Variants in SPTAN1 observed in about 807,000 individuals in gnomAD.
The protein encoded by SPTAN1 is spectrin alpha chain, non-erythrocytic 1.
In SPTAN1, 61 loss-of-function variants were observed where a neutral mutation model predicts 331.3. The ratio of observed to expected loss-of-function variants is 0.18; its 90% CI spans 0.15 to 0.23. SPTAN1 has a LOEUF of 0.23. Among genes scored for constraint, SPTAN1 ranks in the 10% least tolerant of loss-of-function variants. The probability of loss-of-function intolerance (pLI) is 1.00; values close to 1 mark genes in which losing one functional copy is unlikely to be tolerated. For missense variants in SPTAN1, 2,043 were observed against 3,147.9 expected, an observed-to-expected ratio of 0.65 and a Z score of 8.40; for synonymous variants, 1,153 against 1,173.9, an observed-to-expected ratio of 0.98 and a Z score of 0.36.
intron 3 of SPTAN1, among the ~76,000 whole-genome samples, chr9:128,569,262 A>G (rs922844581): frequency 2.0e-5 from 3 of 152,186 alleles, no homozygotes; most frequent in Non-Finnish European, 4.4e-5. Flanking sequence ...CACAGACACT[A>G]TAAAGAAGGT....
At chr9:128,608,783 C>T in intron 34 of SPTAN1, 91 bp from the exon 35 acceptor site, 1 of 1,269,758 alleles carries the variant, frequency 7.9e-7, no homozygotes, top group Non-Finnish European at 1.1e-6. Flanking sequence ...TTCTCAGTCA[C>T]CCAAAATAAC....
At position 128,621,238 on chromosome 9, in the gene SPTAN1, A is replaced by G. The variant is rs754044992; in HGVS notation, c.5814A>G (p.Gly1938=). ...KDRVNDVCTN[G]QDLIKKNNHH... ...GCGTGAATGATGTCTGCACCAATGG[A>G]CAAGACCTCATTAAGAAGGTGAGTC... The change falls in exon 45 of 57, where the codon GGA becomes GGG. Residue 1938 remains glycine, a synonymous_variant. Coordinates refer to ENST00000372739, the MANE Select transcript of SPTAN1 (RefSeq NM_001130438.3). 14 of 1,613,548 alleles carry G rather than the reference A, an allele frequency of 8.7e-6. No homozygotes were observed. In the South Asian group the frequency reaches 1.5e-4, roughly 18 times the overall value.
chr9:128,605,602 G>C (rs1855726690), intron 31 of SPTAN1, 125 bp downstream of exon 31: 6 of 1,262,374 alleles, frequency 4.8e-6, no homozygotes, highest in Middle Eastern at 5.2e-4. Context: ...CAAGCACTTT[G>C]GGGGGCCAAG....
intron 51 of SPTAN1, 68 bp from the exon 52 acceptor site, chr9:128,630,253 G>A (rs969408092): frequency 7.1e-6 from 11 of 1,557,732 alleles, no homozygotes; most frequent in Admixed American, 1.7e-5. Flanking sequence ...CTCTCTGAGA[G>A]AAGGTTCATT....
chr9:128,628,214 T>C, intron 51 of SPTAN1: 1 of 626,020 alleles, frequency 1.6e-6, no homozygotes, highest in Non-Finnish European at 3.0e-6. Context: ...GGGAAGGTGA[T>C]GAAGCACGAA....
chr9:128,613,315 T>A (rs1856775904), intron 39 of SPTAN1, 66 bp from the exon 40 acceptor site: 1 of 1,416,576 alleles, frequency 7.1e-7, no homozygotes, highest in African/African-American at 1.4e-5. Context: ...CTGGGCAACC[T>A]GAATTTTCCA....
At chr9:128,623,090 T>C (rs892967119) in intron 45 of SPTAN1, among the ~76,000 whole-genome samples, 33 of 146,428 alleles carry the variant, frequency 2.3e-4, no homozygotes, top group African/African-American at 8.1e-4. Context: ...AGTCTTGCTC[T>C]TGTCGCCCAG....
At chr9:128,628,305 T>G in intron 51 of SPTAN1, 1 of 408,444 alleles carries the variant, frequency 2.4e-6, no homozygotes, top group Non-Finnish European at 4.7e-6. Context: ...CACCTCTGCT[T>G]CCCCAGCGAG....
intron 51 of SPTAN1, chr9:128,628,469 C>T: frequency 3.0e-6 from 1 of 329,764 alleles, no homozygotes. Context: ...GGTAACAAGA[C>T]TGTCCGCCCT....
rs7868827 is a variant in SPTAN1 at position 128,599,391 on chromosome 9, T to C, written c.3543+405T>C. ...CTCAGGTGATCTGCCCACCTCAGCT[T>C]CCCAGAGTGCTGGGATTACAGACGT... On this transcript the variant is annotated intron_variant, in intron 26 of 56. Coordinates refer to ENST00000372739, the MANE Select transcript of SPTAN1 (RefSeq NM_001130438.3). 1,232 of 244,616 alleles carry C rather than the reference T, an allele frequency of 5.0e-3. 14 individuals are homozygous for C. The highest frequency in any genetic ancestry group is 0.026 in the African/African-American group (1,144 of 44,622). The allele number at this position is 244,616 out of a possible 1,614,324, so 15.2% of individuals were successfully genotyped here.
intron 1 of SPTAN1, among the ~76,000 whole-genome samples, chr9:128,563,024 A>ATATATATATATATATG (rs1564188712): frequency 3.6e-4 from 50 of 140,504 alleles, no homozygotes; most frequent in African/African-American, 1.3e-3. Flanking sequence ...ATATATATAT[A>ATATATATATATATATG]TATGTATATA....
In SPTAN1 at chr9:128,584,860, A is replaced by C; in HGVS notation, c.2560+17A>C. 1 of 1,614,196 alleles carries C rather than the reference A, an allele frequency of 6.2e-7. No homozygotes were observed. The highest frequency in any genetic ancestry group is 8.5e-7 in the Non-Finnish European group (1 of 1,180,026). The stretch of plus-strand genomic sequence containing the variant: ...TGGAGGAAGGTGAGTGATTGGTATC[A>C]GTGACATGGCTTGGTGCTGCTCCTC... On this transcript the variant is annotated intron_variant, in intron 18 of 56. Coordinates refer to ENST00000372739, the MANE Select transcript of SPTAN1 (RefSeq NM_001130438.3).
At chr9:128,572,931 T>G (rs975227226) in intron 3 of SPTAN1, among the ~76,000 whole-genome samples, 2 of 152,170 alleles carry the variant, frequency 1.3e-5, no homozygotes, top group African/African-American at 4.8e-5. Flanking sequence ...TGGAAGTGAA[T>G]TGTGTGAGCA....
At position 128,560,742 on chromosome 9, in the gene SPTAN1, G is replaced by A. The variant is rs557465841; in HGVS notation, c.-3-5996G>A. ...AACTAATAAAGAGGGAGTGAAGGCC[G>A]GGTGCTGTGGCTCACGTCTGTAATC... On this transcript the variant is annotated intron_variant, in intron 1 of 56. Transcript: ENST00000372739. 5.3e-5 allele frequency among the ~76,000 whole-genome samples: 8 copies of A among 152,098 alleles called. No homozygotes were observed. The South Asian group carries it at 8.3e-4, about 16-fold the overall frequency.
At chr9:128,605,718 A>T (rs7028880) in intron 31 of SPTAN1, among the ~76,000 whole-genome samples, 1 of 152,196 alleles carries the variant, frequency 6.6e-6, no homozygotes, top group Non-Finnish European at 1.5e-5. Flanking sequence ...ACGGCCAGGC[A>T]CAGTGGCTCA....
intron 1 of SPTAN1, among the ~76,000 whole-genome samples, chr9:128,563,684 A>C (rs927745621): frequency 1.3e-5 from 2 of 151,954 alleles, no homozygotes; most frequent in African/African-American, 4.8e-5. Flanking sequence ...TGCAACATTC[A>C]GCATGGACTT....
chr9:128,589,022 A>G, intron 21 of SPTAN1, 79 bp downstream of exon 21: 5 of 1,576,006 alleles, frequency 3.2e-6, no homozygotes, highest in South Asian at 2.3e-5. Flanking sequence ...TGTGGGTTGC[A>G]TGTCTCCCTG....
chr9:128,616,603 C>G (rs1857195813), intron 41 of SPTAN1, among the ~76,000 whole-genome samples: 1 of 150,800 alleles, frequency 6.6e-6, no homozygotes, highest in South Asian at 2.1e-4. Flanking sequence ...CCCGTCTCTA[C>G]TAAATACACA....
Position 128,598,450 on chromosome 9 carries a change from A to G in SPTAN1, c.3465A>G (p.Glu1155=). Residue 1155 remains glutamate, a synonymous_variant, in exon 25 of 57, where the codon GAA becomes GAG. Transcript: ENST00000372739. ...SRLKDINKVA[E]DLESEGLMAE... ...TGAAGGACATTAACAAGGTAGCTGA[A>G]GACCTGGAGTCTGAAGGTCTCATGG... The G allele has an allele frequency of 6.2e-7, 1 of 1,613,518 alleles. No individual in the cohort carries two copies. Among genetic ancestry groups the G allele is most frequent in the Non-Finnish European group, 8.5e-7 (1 of 1,179,884 alleles).
Sources: allele counts gnomAD v4.1 joint callset (sites outside exome capture counted in the v4.1 genomes callset), GRCh38; gene constraint gnomAD v4.1.1; transcripts MANE v1.5; gene names NCBI Gene and HGNC (gene_info 2026-07-23, HGNC 2026-07-21).